GOLIM4: variants seen among roughly 807,000 people sequenced by gnomAD.
GOLIM4 encodes the protein 130 kDa golgi-localized phosphoprotein.
A neutral mutation model predicts 107.4 loss-of-function variants in GOLIM4; 71 were observed. That is an observed-to-expected ratio of 0.66 (90% CI 0.55 to 0.81). The LOEUF (loss-of-function observed/expected upper bound fraction) is 0.81, where lower values mean the gene tolerates loss of function less well. Ranked by LOEUF, GOLIM4 falls within the 30% of genes least tolerant of loss-of-function variation. The pLI, the probability that GOLIM4 is intolerant of heterozygous loss-of-function variation, is 0.00. For missense variants in GOLIM4, 830 were observed against 826.1 expected (o/e 1.00, Z -0.06); for synonymous variants, 327 against 294.8 (o/e 1.11, Z -1.12).
At chr3:168,078,787 T>C (rs555205692) in intron 1 of GOLIM4, among the ~76,000 whole-genome samples, 32 of 152,240 alleles carry the variant, frequency 2.1e-4, no homozygotes, top group South Asian at 1.0e-3. Flanking sequence ...CTTTAGAATA[T>C]AGAAAGAGAA....
chr3:168,077,662 C>T (rs1721139534), intron 1 of GOLIM4, among the ~76,000 whole-genome samples: 1 of 152,172 alleles, frequency 6.6e-6, no homozygotes, highest in Non-Finnish European at 1.5e-5. Context: ...TATGGCTACT[C>T]ATGTAACACG....
rs527598622 is a variant in GOLIM4, at chr3:168,011,090, C to A, written c.1861-267G>T. 2.0e-5 allele frequency among the ~76,000 whole-genome samples: 3 copies of A among 152,222 alleles called. No individual in the cohort carries two copies. The South Asian group carries it at 6.2e-4, about 32-fold the overall frequency. On this transcript the variant is annotated intron_variant, in intron 14 of 15. Transcript: ENST00000470487. ...TCCGGTCTACAGCTCCCAGTGTGAG[C>A]GACGCAGAAGACAGTGATTTCTGCA...
intron 7 of GOLIM4, 45 bp downstream of exon 7, chr3:168,040,740 TA>T: frequency 8.1e-7 from 1 of 1,229,232 alleles, no homozygotes; most frequent in Non-Finnish European, 1.2e-6. Flanking sequence ...TGAGAAATGT[TA>T]AGCAGACTTG....
chr3:168,015,232 C>A (rs1299624271), intron 14 of GOLIM4, among the ~76,000 whole-genome samples: 1 of 127,278 alleles, frequency 7.9e-6, no homozygotes, highest in Non-Finnish European at 1.5e-5. Context: ...CACAAGCATT[C>A]TTACACACCA....
intron 14 of GOLIM4, among the ~76,000 whole-genome samples, chr3:168,019,637 T>C (rs1364973877): frequency 2.6e-5 from 4 of 152,240 alleles, no homozygotes; most frequent in African/African-American, 9.6e-5. Context: ...TGCTTCTTTA[T>C]ATCACTTAAC....
intron 1 of GOLIM4, among the ~76,000 whole-genome samples, chr3:168,068,836 TA>T (rs1486097772): frequency 3.9e-4 from 58 of 149,914 alleles, no homozygotes; most frequent in African/African-American, 1.3e-3. Context: ...TATTTTATTT[TA>T]TTTTTTTTTT....
At chr3:168,016,145 G>A (rs1717350092) in intron 14 of GOLIM4, among the ~76,000 whole-genome samples, 2 of 134,644 alleles carry the variant, frequency 1.5e-5, no homozygotes, top group Non-Finnish European at 3.0e-5. Flanking sequence ...CTACTCATCT[G>A]ACAAATGGCT....
intron 1 of GOLIM4, among the ~76,000 whole-genome samples, chr3:168,048,952 A>T (rs1472321556): frequency 6.6e-6 from 1 of 152,176 alleles, no homozygotes; most frequent in African/African-American, 2.4e-5. Flanking sequence ...AGAAGCACAG[A>T]AATAGAGAAG....
intron 8 of GOLIM4, among the ~76,000 whole-genome samples, chr3:168,033,522 G>A (rs1718457512): frequency 6.9e-6 from 1 of 145,764 alleles, no homozygotes; most frequent in East Asian, 2.0e-4. Context: ...CAGGAGAATG[G>A]CGTGAACCCG....
chr3:168,095,201 C>T lies in GOLIM4; in HGVS notation c.85G>A (p.Gly29Ser), dbSNP rs144707420. The T allele has an allele frequency of 1.2e-6, 2 of 1,613,798 alleles. No homozygotes were observed. The highest frequency in any genetic ancestry group is 2.2e-5 in the East Asian group (1 of 44,860). ...TGCAGCTCGTAGTAGAGCATCGCGC[C>T]GTAGAGAAAGCCGAACACGACGGTC... is the stretch of plus-strand genomic sequence containing the variant. ...LLTVVFGFLY[G>S]AMLYYELQTQ... The change falls in exon 1 of 16, where the codon GGC becomes AGC. Residue 29 changes from glycine to serine, a missense_variant. Coordinates refer to ENST00000470487, the MANE Select transcript of GOLIM4 (RefSeq NM_014498.5).
At chr3:168,013,086 C>A (rs1055574990) in intron 14 of GOLIM4, among the ~76,000 whole-genome samples, 1 of 151,130 alleles carries the variant, frequency 6.6e-6, no homozygotes, top group Non-Finnish European at 1.5e-5. Context: ...TTAAAAGACA[C>A]AGACTGGCAA....
intron 8 of GOLIM4, 108 bp downstream of exon 8, chr3:168,036,728 A>G: frequency 1.3e-6 from 1 of 791,706 alleles, no homozygotes. Context: ...CTAAAATTTG[A>G]GAACTACTGC....
At chr3:168,055,747 A>T (rs1202900493) in intron 1 of GOLIM4, among the ~76,000 whole-genome samples, 3 of 150,136 alleles carry the variant, frequency 2.0e-5, no homozygotes, top group Admixed American at 6.7e-5. Flanking sequence ...GCTTGCAGTG[A>T]GCAGAGATCA....
At position 168,010,757 on chromosome 3, in the gene GOLIM4, C is replaced by T; in HGVS notation, c.1927G>A (p.Glu643Lys). 6.2e-7 allele frequency: 1 copy of T among 1,609,084 alleles called. No individual in the cohort carries two copies. The highest frequency in any genetic ancestry group is 1.7e-5 in the Admixed American group (1 of 60,020). Residue 643 changes from glutamate to lysine, a missense_variant, in exon 15 of 16, where the codon GAA becomes AAA. Coordinates refer to ENST00000470487, the MANE Select transcript of GOLIM4 (RefSeq NM_014498.5). ...LEHNAEETYG[E>K]NDENTDDKNN... ...CCCGGTCATACATTTTCATCATTTT[C>T]ACCATAGGTCTCTTCAGCATTATGC...
At chr3:168,066,496 A>C (rs749923885) in intron 1 of GOLIM4, among the ~76,000 whole-genome samples, 1 of 152,142 alleles carries the variant, frequency 6.6e-6, no homozygotes, top group Non-Finnish European at 1.5e-5. Context: ...CTTCTCAGGG[A>C]GAACAGTTAT....
chr3:168,056,263 C>G (rs1174445477), intron 1 of GOLIM4, among the ~76,000 whole-genome samples: 1 of 152,184 alleles, frequency 6.6e-6, no homozygotes, highest in Admixed American at 6.5e-5. Context: ...TGTGGGTGCA[C>G]AGAAGTCAAG....
intron 1 of GOLIM4, among the ~76,000 whole-genome samples, chr3:168,080,252 T>A (rs1721286730): frequency 6.6e-6 from 1 of 152,186 alleles, no homozygotes; most frequent in African/African-American, 2.4e-5. Flanking sequence ...AGAAACGCAC[T>A]CTGAAATGTC....
At chr3:168,071,537 C>T (rs533561363) in intron 1 of GOLIM4, among the ~76,000 whole-genome samples, 74 of 151,478 alleles carry the variant, frequency 4.9e-4, no homozygotes, top group Admixed American at 1.3e-3. Flanking sequence ...CCACTTTCCC[C>T]GGCGCCCCCC....
chr3:168,080,668 T>G (rs1721314882), intron 1 of GOLIM4, among the ~76,000 whole-genome samples: 1 of 152,182 alleles, frequency 6.6e-6, no homozygotes, highest in Non-Finnish European at 1.5e-5. Context: ...AGTGGGAGTT[T>G]TGGCCAACTG....
Sources: gnomAD v4.1 joint callset for allele counts (sites outside exome capture counted in the v4.1 genomes callset) on GRCh38, gnomAD v4.1.1 for gene constraint, MANE v1.5 for transcripts, NCBI Gene and HGNC (gene_info 2026-07-23, HGNC 2026-07-21) for gene names.